The following B4GALT6 variants were observed in gnomAD, a reference collection of about 807,000 sequenced individuals.
The protein encoded by B4GALT6 is UDP-Gal:beta-GlcNAc beta-1,4-galactosyltransferase 6.
In B4GALT6, 14 loss-of-function variants were observed where a neutral mutation model predicts 46.3. The observed-to-expected ratio is 0.30, with a 90% CI of 0.20 to 0.47. The LOEUF is 0.47. Ranked by LOEUF, B4GALT6 falls within the 20% of genes least tolerant of loss-of-function variation. B4GALT6 has a pLI of 0.99. For missense variants in B4GALT6, 386 were observed against 480.1 expected (o/e 0.80, Z 1.83); for synonymous variants, 168 against 162.0 (o/e 1.04, Z -0.28).
At chr18:31,703,842 G>A in the B4GALT6 span, among the ~76,000 whole-genome samples, 1 of 152,196 alleles carries the variant, frequency 6.6e-6, no homozygotes, top group Non-Finnish European at 1.5e-5. Context: ...AAAGCTCTGA[G>A]CTCAAGTATT....
intron 3 of B4GALT6, among the ~76,000 whole-genome samples, chr18:31,650,624 C>G (rs1332103910): frequency 1.3e-5 from 2 of 152,198 alleles, no homozygotes; most frequent in African/African-American, 4.8e-5. Flanking sequence ...CTCTAGCCAC[C>G]CAGGTTGTCT....
chr18:31,650,569 A>G (rs2074052276), intron 3 of B4GALT6, among the ~76,000 whole-genome samples: 1 of 152,244 alleles, frequency 6.6e-6, no homozygotes, highest in South Asian at 2.1e-4. Context: ...GATGCTTCAA[A>G]GCGGTCTGAG....
chr18:31,686,508 T>C (rs895252895), upstream of B4GALT6: 1 of 152,216 alleles, frequency 6.6e-6, no homozygotes, highest in Admixed American at 6.5e-5. Context: ...CGTAAGAGGT[T>C]CCTTATATCC....
chr18:31,710,217 C>T, the B4GALT6 span, among the ~76,000 whole-genome samples: 1 of 151,914 alleles, frequency 6.6e-6, no homozygotes, highest in East Asian at 1.9e-4. Context: ...GAAGTCCTGC[C>T]AAGGCTAAAA....
intron 1 of B4GALT6, among the ~76,000 whole-genome samples, chr18:31,676,753 G>A (rs1389799353): frequency 1.3e-5 from 2 of 152,160 alleles, no homozygotes; most frequent in Non-Finnish European, 2.9e-5. Context: ...CCCACCATTT[G>A]GGGTATTTTT....
chr18:31,656,978 C>G (rs557327260), intron 3 of B4GALT6, among the ~76,000 whole-genome samples: 23 of 152,240 alleles, frequency 1.5e-4, no homozygotes, highest in Admixed American at 2.0e-4. Flanking sequence ...AACGAGAAAC[C>G]ATTTATCTTT....
Position 31,642,123 on chromosome 18 carries a change from C to G in B4GALT6, c.471+3232G>C, listed in dbSNP as rs1667282. 6.6e-4 allele frequency among the ~76,000 whole-genome samples: 101 copies of G among 152,294 alleles called. 1 individual carries two copies. Among genetic ancestry groups the G allele is most frequent in the East Asian group, 2.3e-3 (12 of 5,180 alleles). On this transcript the variant is annotated intron_variant, in intron 4 of 8. Coordinates refer to ENST00000306851, the MANE Select transcript of B4GALT6 (RefSeq NM_004775.5). Reference sequence around the variant, plus strand: ...AGGCACTTGGTTAAAAATGCAAGTTCTTGTTCCTTCCCACCAATAGAATCA... The same window carrying G: ...AGGCACTTGGTTAAAAATGCAAGTTGTTGTTCCTTCCCACCAATAGAATCA...
At position 31,624,549 on chromosome 18, in the gene B4GALT6, T is replaced by C. The variant is rs1197537284; in HGVS notation, c.*1065A>G. On this transcript the variant is annotated 3_prime_UTR_variant, in exon 9 of 9. Transcript: ENST00000306851. The stretch of plus-strand genomic sequence containing the variant: ...TATTTATCTTTATAAAAATAGAATA[T>C]TTAATTCTTATCTAATAGTATAATT... 1 of 152,050 alleles carries C rather than the reference T, an allele frequency of 6.6e-6. No homozygotes were observed. Among genetic ancestry groups the C allele is most frequent in the Non-Finnish European group, 1.5e-5 (1 of 67,950 alleles). The allele number at this position is 152,050 out of a possible 1,614,324, so 9.4% of individuals were successfully genotyped here.
intron 6 of B4GALT6, 114 bp downstream of exon 6, chr18:31,630,845 T>C (rs1598867428): frequency 8.8e-7 from 1 of 1,135,078 alleles, no homozygotes; most frequent in East Asian, 2.4e-5. Flanking sequence ...TTAAAGATGA[T>C]ATTCTTGGGG....
chr18:31,626,800 G>A (rs79483255), intron 7 of B4GALT6, among the ~76,000 whole-genome samples, 199 bp downstream of exon 7: 8,462 of 151,970 alleles, frequency 0.056, 285 homozygotes, highest in East Asian at 0.13. Flanking sequence ...GTTGGGGACC[G>A]CTGCTCTAAT....
At chr18:31,650,933 A>AT (rs1384617862) in intron 3 of B4GALT6, among the ~76,000 whole-genome samples, 2 of 152,030 alleles carry the variant, frequency 1.3e-5, no homozygotes, top group Non-Finnish European at 2.9e-5. Flanking sequence ...TACCCGGCTA[A>AT]TTTTTTGTAT....
chr18:31,695,188 G>A, the B4GALT6 span, among the ~76,000 whole-genome samples: 15 of 151,764 alleles, frequency 9.9e-5, no homozygotes, highest in African/African-American at 3.4e-4. Context: ...AGTATTACAC[G>A]GGTAGCAGGA....
At chr18:31,691,844 C>T in the B4GALT6 span, among the ~76,000 whole-genome samples, 22 of 152,198 alleles carry the variant, frequency 1.4e-4, no homozygotes, top group African/African-American at 5.1e-4. Context: ...CTAAAATCCA[C>T]AAGTTTATGG....
intron 4 of B4GALT6, among the ~76,000 whole-genome samples, chr18:31,641,328 G>A (rs148066394): frequency 4.0e-4 from 61 of 152,256 alleles, no homozygotes; most frequent in African/African-American, 1.4e-3. Context: ...CCAGTGTCTT[G>A]GCAAATTCAA....
At chr18:31,642,294 C>T (rs1238543435) in intron 4 of B4GALT6, among the ~76,000 whole-genome samples, 1 of 152,162 alleles carries the variant, frequency 6.6e-6, no homozygotes, top group Non-Finnish European at 1.5e-5. Context: ...CCTTCTGCCA[C>T]AGTCTTTCAA....
chr18:31,720,554 C>A, the B4GALT6 span, among the ~76,000 whole-genome samples: 1 of 152,352 alleles, frequency 6.6e-6, no homozygotes, highest in East Asian at 1.9e-4. Flanking sequence ...AAAGGACTGA[C>A]GCCCACCCAT....
intron 1 of B4GALT6, among the ~76,000 whole-genome samples, chr18:31,683,379 C>T (rs2074503385): frequency 6.6e-6 from 1 of 152,156 alleles, no homozygotes; most frequent in African/African-American, 2.4e-5. Flanking sequence ...AGGAGATGCT[C>T]ACTGTTACTA....
chr18:31,669,037 G>A (rs2144697783), intron 1 of B4GALT6, among the ~76,000 whole-genome samples: 1 of 149,910 alleles, frequency 6.7e-6, no homozygotes, highest in South Asian at 2.1e-4. Context: ...AAAAAAAGTT[G>A]TAATCAGACA....
intron 1 of B4GALT6, among the ~76,000 whole-genome samples, chr18:31,683,550 T>C (rs1166935052): frequency 6.6e-6 from 1 of 152,152 alleles, no homozygotes; most frequent in Non-Finnish European, 1.5e-5. Flanking sequence ...ATTCGGATAT[T>C]TAATAAAGAA....
Sources: allele counts gnomAD v4.1 joint callset (sites outside exome capture counted in the v4.1 genomes callset), GRCh38; gene constraint gnomAD v4.1.1; transcripts MANE v1.5; gene names NCBI Gene and HGNC (gene_info 2026-07-23, HGNC 2026-07-21).